The following NWD1 variants were observed in gnomAD, a reference collection of about 807,000 sequenced individuals.
NWD1 encodes NACHT domain- and WD repeat-containing protein 1.
NWD1 carries 129 observed loss-of-function variants against 135.1 expected under a neutral mutation model. The observed-to-expected ratio is 0.96, with a 90% CI of 0.83 to 1.11. NWD1 has a LOEUF of 1.11. Among genes scored for constraint, NWD1 ranks in the 50% least tolerant of loss-of-function variants. The pLI, the probability that NWD1 is intolerant of heterozygous loss-of-function variation, is 0.00. For missense variants in NWD1, 1,740 were observed against 1,851.3 expected (o/e 0.94, Z 1.10); for synonymous variants, 773 against 786.0 (o/e 0.98, Z 0.28).
At chr19:16,789,427 A>G (rs1970167154) in intron 13 of NWD1, among the ~76,000 whole-genome samples, 1 of 152,192 alleles carries the variant, frequency 6.6e-6, no homozygotes, top group South Asian at 2.1e-4. Context: ...TTTGAATATC[A>G]GCATTTTAGG....
intron 4 of NWD1, among the ~76,000 whole-genome samples, chr19:16,742,568 AG>A (rs200044167): frequency 0.045 from 6,803 of 152,112 alleles, 170 homozygotes; most frequent in Middle Eastern, 0.085. Context: ...AGCTGGACTT[AG>A]GGTCCTCTTA....
At chr19:16,731,130 C>A in intron 2 of NWD1, 62 bp from the exon 3 acceptor site, 2 of 805,872 alleles carry the variant, frequency 2.5e-6, no homozygotes, top group South Asian at 1.6e-5. Context: ...AAAAGCAGAG[C>A]TATGAGGCTG....
chr19:16,736,998 G>T (rs928598888), intron 4 of NWD1, among the ~76,000 whole-genome samples: 1 of 152,086 alleles, frequency 6.6e-6, no homozygotes, highest in African/African-American at 2.4e-5. Context: ...GAAGCCAGAA[G>T]GAATCTTGGA....
intron 14 of NWD1, among the ~76,000 whole-genome samples, chr19:16,793,992 C>A (rs1156447695): frequency 6.6e-6 from 1 of 152,218 alleles, no homozygotes; most frequent in African/African-American, 2.4e-5. Context: ...CCTAGGGGCA[C>A]AAGTGATCCT....
chr19:16,773,343 C>T lies in NWD1; in HGVS notation c.2608+20C>T. On this transcript the variant is annotated intron_variant, in intron 11 of 18. Coordinates refer to ENST00000524140, the MANE Select transcript of NWD1 (RefSeq NM_001007525.5). ...ACAAAGGTGAGTCTCCCCAGCATAG[C>T]AAAAATCCCAGCAGGCACCTGCTTG... 1 of 1,601,726 alleles carries T rather than the reference C, an allele frequency of 6.2e-7. No individual in the cohort carries two copies. The highest frequency in any genetic ancestry group is 1.7e-5 in the Admixed American group (1 of 59,578).
intron 11 of NWD1, among the ~76,000 whole-genome samples, chr19:16,775,932 G>C (rs1395399434): frequency 6.6e-6 from 1 of 152,190 alleles, no homozygotes; most frequent in African/African-American, 2.4e-5. Flanking sequence ...CTCCCAAAGT[G>C]CTGGGATTAC....
chr19:16,738,562 C>G (rs1967932515), intron 4 of NWD1, among the ~76,000 whole-genome samples: 1 of 107,796 alleles, frequency 9.3e-6, no homozygotes, highest in African/African-American at 4.5e-5. Context: ...GACGGAGACT[C>G]TGTCAAAAAA....
At chr19:16,756,161 A>C (rs1968788869) in intron 6 of NWD1, among the ~76,000 whole-genome samples, 1 of 152,158 alleles carries the variant, frequency 6.6e-6, no homozygotes, top group Non-Finnish European at 1.5e-5. Flanking sequence ...GCTGAGTACG[A>C]GAATTGCTTG....
rs759168956 is a variant in NWD1 at position 16,808,105 on chromosome 19, C to T, written c.4256C>T (p.Ala1419Val). 31 of 1,613,838 alleles carry T rather than the reference C, an allele frequency of 1.9e-5. No individual in the cohort carries two copies. Among genetic ancestry groups the T allele is most frequent in the South Asian group, 1.4e-4 (13 of 91,074 alleles). ...CTGCTGTGTCTCTGGGACCTGCAGGCACGCAAGTGGAAATTCGAGATGAGC... is the reference window on the plus strand; with the variant it reads ...CTGCTGTGTCTCTGGGACCTGCAGGTACGCAAGTGGAAATTCGAGATGAGC... ...DALLCLWDLQ[A>V]RKWKFEMSYT... The change falls in exon 18 of 19, where the codon GCA becomes GTA. Residue 1419 changes from alanine (A) to valine (V), a missense_variant. Coordinates refer to ENST00000524140, the MANE Select transcript of NWD1 (RefSeq NM_001007525.5).
Position 16,753,439 on chromosome 19 carries a change from TG to T in NWD1, c.1769+3029del, listed in dbSNP as rs1209646948. Among the ~76,000 whole-genome samples the T allele has an allele frequency of 6.6e-5, 10 of 152,170 alleles. No homozygotes were observed. In the East Asian group the frequency reaches 1.7e-3, roughly 26 times the overall value. ...GATGATTTTGGTTGCTCCAGTTCCA[TG>T]AAAATATGTTATGCTTACACATCAG... On this transcript the variant is annotated intron_variant, in intron 6 of 18. Coordinates refer to ENST00000524140, the MANE Select transcript of NWD1 (RefSeq NM_001007525.5).
chr19:16,755,595 GC>G (rs1968761263), intron 6 of NWD1, among the ~76,000 whole-genome samples: 1 of 151,916 alleles, frequency 6.6e-6, no homozygotes, highest in African/African-American at 2.4e-5. Context: ...TGCCATATTG[GC>G]CAGGCTGGTC....
intron 11 of NWD1, among the ~76,000 whole-genome samples, chr19:16,778,509 G>T (rs773931): frequency 0.059 from 5,199 of 88,376 alleles, 206 homozygotes; most frequent in African/African-American, 0.13. Context: ...TTTTTTTTTT[G>T]TTGTTGTTGT....
chr19:16,725,014 TA>T (rs912967955), intron 2 of NWD1, among the ~76,000 whole-genome samples: 1 of 149,154 alleles, frequency 6.7e-6, no homozygotes, highest in Non-Finnish European at 1.5e-5. Flanking sequence ...ATTTATTTTT[TA>T]TTTTTTTATT....
In NWD1 at chr19:16,799,952, C is replaced by G. The variant is rs749430523; in HGVS notation, c.3526C>G (p.Leu1176Val). 1 of 1,614,156 alleles carries G rather than the reference C, an allele frequency of 6.2e-7. No homozygotes were observed. The highest frequency in any genetic ancestry group is 1.7e-5 in the Admixed American group (1 of 60,016). ...ILEGVGAPVS[L>V]LARGGALVAS... ...GGAAGGCGTCGGGGCCCCCGTGAGC[C>G]TGCTGGCCCGCGGCGGGGCTTTGGT... The change falls in exon 17 of 19, where the codon CTG (leucine) becomes GTG (valine). Residue 1176 changes from leucine to valine, a missense_variant. Coordinates refer to ENST00000524140, the MANE Select transcript of NWD1 (RefSeq NM_001007525.5).
At chr19:16,732,763 G>A (rs1339889656) in intron 3 of NWD1, among the ~76,000 whole-genome samples, 1 of 151,488 alleles carries the variant, frequency 6.6e-6, no homozygotes, top group Non-Finnish European at 1.5e-5. Flanking sequence ...GCCTTCTGAG[G>A]AGCTGAAACT....
At chr19:16,771,796 A>G (rs980203594) in intron 10 of NWD1, among the ~76,000 whole-genome samples, 5 of 151,288 alleles carry the variant, frequency 3.3e-5, no homozygotes, top group Non-Finnish European at 4.4e-5. Context: ...ACCATTCAAC[A>G]TAACATCCTA....
chr19:16,789,626 AT>A (rs1299332459), intron 13 of NWD1, among the ~76,000 whole-genome samples: 2 of 146,132 alleles, frequency 1.4e-5, no homozygotes, highest in Non-Finnish European at 3.0e-5. Context: ...CCTGTTCTGT[AT>A]TTTTTTTCTA....
At chr19:16,775,300 T>TAA (rs59783116) in intron 11 of NWD1, among the ~76,000 whole-genome samples, 19,322 of 150,908 alleles carry the variant, frequency 0.13, 2,557 homozygotes, top group African/African-American at 0.34. Flanking sequence ...TCAGATGTTG[T>TAA]AAAAAAAAAT....
chr19:16,764,913 C>A, intron 9 of NWD1, 121 bp from the exon 10 acceptor site: 1 of 1,046,166 alleles, frequency 9.6e-7, no homozygotes, highest in Non-Finnish European at 1.4e-6. Flanking sequence ...GATCCTGCCC[C>A]AGTGTCACTA....
Sources: allele counts gnomAD v4.1 joint callset (sites outside exome capture counted in the v4.1 genomes callset), GRCh38; gene constraint gnomAD v4.1.1; transcripts MANE v1.5; gene names NCBI Gene and HGNC (gene_info 2026-07-23, HGNC 2026-07-21).